OXR1: variants seen among roughly 807,000 people sequenced by gnomAD.
OXR1 encodes the protein oxidation resistance 1.
In OXR1, 41 loss-of-function variants were observed where a neutral mutation model predicts 104.6. The ratio of observed to expected loss-of-function variants is 0.39; its 90% CI spans 0.31 to 0.51. The LOEUF (loss-of-function observed/expected upper bound fraction) is 0.51. OXR1 is among the 20% of genes least tolerant of loss of function. OXR1 has a pLI of 0.77. For missense variants in OXR1, 955 were observed against 1,031.9 expected (o/e 0.93, Z 1.02); for synonymous variants, 348 against 348.4 (o/e 1.00, Z 0.01).
chr8:106,487,381 G>A (rs1249513449), intron 2 of OXR1, among the ~76,000 whole-genome samples: 3 of 114,816 alleles, frequency 2.6e-5, no homozygotes, highest in Non-Finnish European at 5.9e-5. Context: ...TAATTTTTAT[G>A]GATACATAAC....
At chr8:106,455,639 A>C (rs1433787922) in intron 2 of OXR1, among the ~76,000 whole-genome samples, 1 of 152,172 alleles carries the variant, frequency 6.6e-6, no homozygotes, top group African/African-American at 2.4e-5. Context: ...GACCCCCTAG[A>C]GCAGTGTTAC....
chr8:106,525,414 C>A (rs1813584971), intron 3 of OXR1, among the ~76,000 whole-genome samples: 1 of 152,178 alleles, frequency 6.6e-6, no homozygotes, highest in Non-Finnish European at 1.5e-5. Context: ...GGCTCTTAAA[C>A]ACCACAACGT....
chr8:106,641,794 A>G (rs1823657294), intron 3 of OXR1, among the ~76,000 whole-genome samples: 1 of 152,250 alleles, frequency 6.6e-6, no homozygotes, highest in African/African-American at 2.4e-5. Flanking sequence ...GTGAAAGAGT[A>G]TCAGGCCAAA....
intron 3 of OXR1, among the ~76,000 whole-genome samples, chr8:106,659,938 T>G (rs960225711): frequency 1.8e-4 from 27 of 152,254 alleles, no homozygotes; most frequent in African/African-American, 6.5e-4. Flanking sequence ...CATTGCATAT[T>G]CTTTAATAGT....
At chr8:106,315,993 A>G (rs764848261) in intron 1 of OXR1, among the ~76,000 whole-genome samples, 3 of 152,220 alleles carry the variant, frequency 2.0e-5, no homozygotes, top group Non-Finnish European at 2.9e-5. Flanking sequence ...CAGATAATCT[A>G]TAGGTTAGAC....
intron 2 of OXR1, among the ~76,000 whole-genome samples, chr8:106,379,537 C>CTTTTTTTTTTTTTTTTTTTTTTTTCTT (rs60855438): frequency 9.2e-6 from 1 of 108,400 alleles, no homozygotes; most frequent in African/African-American, 3.7e-5. Context: ...TTCTTTCTTT[C>CTTTTTTTTTTTTTTTTTTTTTTTTCTT]TTTTTTTTTT....
intron 1 of OXR1, among the ~76,000 whole-genome samples, chr8:106,345,260 A>G (rs947949194): frequency 2.6e-5 from 4 of 152,226 alleles, no homozygotes; most frequent in African/African-American, 9.6e-5. Flanking sequence ...TGAATAACAT[A>G]AGAGATATGC....
chr8:106,531,025 A>C (rs1814057369), intron 3 of OXR1, among the ~76,000 whole-genome samples: 1 of 152,170 alleles, frequency 6.6e-6, no homozygotes, highest in Non-Finnish European at 1.5e-5. Flanking sequence ...GAAAATAATA[A>C]AGTGAAATTC....
chr8:106,738,834 A>G (rs1284054994), intron 12 of OXR1, among the ~76,000 whole-genome samples: 1 of 152,034 alleles, frequency 6.6e-6, no homozygotes, highest in East Asian at 1.9e-4. Context: ...AATTAACAGT[A>G]AAATTTATTG....
At chr8:106,345,493 A>G (rs529130157) in intron 1 of OXR1, among the ~76,000 whole-genome samples, 1 of 152,334 alleles carries the variant, frequency 6.6e-6, no homozygotes, top group South Asian at 2.1e-4. Flanking sequence ...CTATCATAAC[A>G]TTTATATAAG....
intron 3 of OXR1, chr8:106,520,402 T>A (rs1487239385): frequency 6.6e-6 from 1 of 152,164 alleles, no homozygotes; most frequent in East Asian, 1.9e-4. Context: ...TGTCTTTGGG[T>A]TAAATTCCTT....
chr8:106,585,699 G>A (rs1377213264), intron 3 of OXR1, among the ~76,000 whole-genome samples: 1 of 152,098 alleles, frequency 6.6e-6, no homozygotes, highest in African/African-American at 2.4e-5. Context: ...GCCAAAGAGG[G>A]GATGTGTCAC....
chr8:106,381,349 C>T (rs980982431), intron 2 of OXR1, among the ~76,000 whole-genome samples: 14 of 151,972 alleles, frequency 9.2e-5, no homozygotes, highest in African/African-American at 3.4e-4. Context: ...AGAGAGGAGG[C>T]TGGTGAGGAG....
intron 2 of OXR1, among the ~76,000 whole-genome samples, chr8:106,382,985 CT>C (rs1328037525): frequency 6.8e-6 from 1 of 147,310 alleles, no homozygotes; most frequent in Non-Finnish European, 1.5e-5. Context: ...TGGAAGAGTA[CT>C]TTTTCTTTTT....
intron 2 of OXR1, among the ~76,000 whole-genome samples, chr8:106,444,400 C>T (rs969351917): frequency 6.6e-6 from 1 of 152,122 alleles, no homozygotes; most frequent in Non-Finnish European, 1.5e-5. Context: ...ATGTTTATTG[C>T]AGCACTATTT....
At chr8:106,749,935 G>A (rs1022263476) in intron 16 of OXR1, among the ~76,000 whole-genome samples, 1 of 151,566 alleles carries the variant, frequency 6.6e-6, no homozygotes, top group East Asian at 1.9e-4. Context: ...TTATATCTTG[G>A]TTCTTCTGCT....
intron 1 of OXR1, among the ~76,000 whole-genome samples, chr8:106,278,275 A>G (rs539084805): frequency 3.3e-5 from 5 of 152,296 alleles, no homozygotes; most frequent in South Asian, 2.1e-4. Context: ...TACATTAGAT[A>G]CTAGGTAGTA....
chr8:106,456,603 G>T (rs149322559), intron 2 of OXR1, among the ~76,000 whole-genome samples: 1 of 151,866 alleles, frequency 6.6e-6, no homozygotes, highest in East Asian at 1.9e-4. Context: ...ACTATTGTGG[G>T]TTTTTTTTCT....
At chr8:106,435,565 G>A (rs1004658904) in intron 2 of OXR1, among the ~76,000 whole-genome samples, 3 of 152,036 alleles carry the variant, frequency 2.0e-5, no homozygotes, top group South Asian at 2.1e-4. Flanking sequence ...TAAGCACATC[G>A]GGGACTTCTG....
Sources: gnomAD v4.1 joint callset for allele counts (sites outside exome capture counted in the v4.1 genomes callset) on GRCh38, gnomAD v4.1.1 for gene constraint, MANE v1.5 for transcripts, NCBI Gene and HGNC (gene_info 2026-07-23, HGNC 2026-07-21) for gene names.